The following RAP1A variants were observed in gnomAD, a reference collection of about 807,000 sequenced individuals.
RAP1A encodes the protein RAP1A, member of RAS oncogene family, also known as ras-related protein Rap-1A.
In RAP1A, 6 loss-of-function variants were observed where a neutral mutation model predicts 26.4. The observed-to-expected ratio is 0.23, with a 90% CI of 0.12 to 0.45. RAP1A has a LOEUF of 0.45. Ranked by LOEUF, RAP1A falls within the 20% of genes least tolerant of loss-of-function variation. The pLI is 0.99. For missense variants in RAP1A, 121 were observed against 217.2 expected, an observed-to-expected ratio of 0.56 and a Z score of 2.78; for synonymous variants, 73 against 79.4, an observed-to-expected ratio of 0.92 and a Z score of 0.43.
At chr1:111,631,413 CAT>C (rs1454882206) in intron 1 of RAP1A, among the ~76,000 whole-genome samples, 1 of 152,106 alleles carries the variant, frequency 6.6e-6, no homozygotes, top group Non-Finnish European at 1.5e-5. Context: ...GAAGGGAACT[CAT>C]ATGTTTTTGA....
intron 1 of RAP1A, among the ~76,000 whole-genome samples, chr1:111,657,226 T>C (rs1230943418): frequency 1.3e-5 from 2 of 152,196 alleles, no homozygotes; most frequent in African/African-American, 2.4e-5. Context: ...AAGTGGAACA[T>C]TTTATATCTT....
chr1:111,614,443 G>A (rs1401655681), intron 1 of RAP1A, among the ~76,000 whole-genome samples: 1 of 152,104 alleles, frequency 6.6e-6, no homozygotes, highest in Non-Finnish European at 1.5e-5. Flanking sequence ...TTATTGATAT[G>A]TATCACAATC....
intron 1 of RAP1A, among the ~76,000 whole-genome samples, chr1:111,638,375 A>T (rs1659786610): frequency 6.6e-6 from 1 of 152,130 alleles, no homozygotes. Context: ...ATTCTGGGTC[A>T]TTTATGAATT....
intron 1 of RAP1A, among the ~76,000 whole-genome samples, chr1:111,572,753 C>T (rs1232315587): frequency 6.6e-6 from 1 of 152,048 alleles, no homozygotes; most frequent in African/African-American, 2.4e-5. Context: ...CTTTTTTTAA[C>T]TTTTATTTTA....
chr1:111,656,582 T>A (rs1338594508), intron 1 of RAP1A, among the ~76,000 whole-genome samples: 1 of 152,174 alleles, frequency 6.6e-6, no homozygotes, highest in Non-Finnish European at 1.5e-5. Flanking sequence ...AATTGGTTTA[T>A]CCAGTCTCCA....
intron 1 of RAP1A, among the ~76,000 whole-genome samples, chr1:111,565,037 G>A (rs1041394409): frequency 6.6e-6 from 1 of 152,174 alleles, no homozygotes; most frequent in Non-Finnish European, 1.5e-5. Context: ...GGTCAGGGAA[G>A]GCAGATTTAA....
intron 1 of RAP1A, among the ~76,000 whole-genome samples, chr1:111,621,392 A>G (rs1261049985): frequency 4.6e-5 from 7 of 152,192 alleles, no homozygotes; most frequent in Admixed American, 2.0e-4. Context: ...ATGCTTTCCT[A>G]TAACATTGTT....
intron 1 of RAP1A, among the ~76,000 whole-genome samples, chr1:111,665,445 A>G (rs1660773075): frequency 6.6e-6 from 1 of 152,218 alleles, no homozygotes; most frequent in South Asian, 2.1e-4. Flanking sequence ...ACACCTGACC[A>G]AATGTATCTT....
At chr1:111,684,497 A>G (rs575712626) in intron 1 of RAP1A, among the ~76,000 whole-genome samples, 16 of 151,366 alleles carry the variant, frequency 1.1e-4, no homozygotes, top group African/African-American at 2.7e-4. Context: ...CTATACACTA[A>G]TAACAGCCAA....
At chr1:111,608,739 A>G (rs1188648706) in intron 1 of RAP1A, 4 of 158,228 alleles carry the variant, frequency 2.5e-5, no homozygotes, top group South Asian at 1.7e-4. Context: ...TCTCCACCAA[A>G]AAAATACGAA....
chr1:111,688,979 C>T (rs1041727366), intron 1 of RAP1A, among the ~76,000 whole-genome samples: 3 of 151,876 alleles, frequency 2.0e-5, no homozygotes, highest in Non-Finnish European at 4.4e-5. Flanking sequence ...GGACCATAGG[C>T]ACATGCCACC....
At chr1:111,679,531 C>T (rs1053295262) in intron 1 of RAP1A, among the ~76,000 whole-genome samples, 1 of 142,874 alleles carries the variant, frequency 7.0e-6, no homozygotes, top group Non-Finnish European at 1.6e-5. Flanking sequence ...TTTTTTGTAC[C>T]CAGTGGCACC....
chr1:111,672,950 C>G (rs1250528538), intron 1 of RAP1A, among the ~76,000 whole-genome samples: 1 of 152,100 alleles, frequency 6.6e-6, no homozygotes, highest in African/African-American at 2.4e-5. Flanking sequence ...TGTTATTCTG[C>G]TGTTACTTTG....
At chr1:111,615,255 G>A (rs1363451756), upstream of RAP1A, among the ~76,000 whole-genome samples, 1 of 151,920 alleles carries the variant, frequency 6.6e-6, no homozygotes, top group Admixed American at 6.6e-5. Context: ...TTAAAATAGG[G>A]TGGAGTCATG....
chr1:111,708,635 C>T (rs1662274786), intron 6 of RAP1A, among the ~76,000 whole-genome samples: 1 of 152,160 alleles, frequency 6.6e-6, no homozygotes, highest in African/African-American at 2.4e-5. Context: ...ATGTGTCAAT[C>T]CTTAAATGTC....
chr1:111,609,295 C>T (rs1414122477), intron 1 of RAP1A, among the ~76,000 whole-genome samples: 1 of 152,134 alleles, frequency 6.6e-6, no homozygotes, highest in Admixed American at 6.5e-5. Context: ...GTTCAAAGCC[C>T]AAGTGAGACC....
At chr1:111,553,608 C>A (rs1487841104) in intron 1 of RAP1A, among the ~76,000 whole-genome samples, 3 of 152,214 alleles carry the variant, frequency 2.0e-5, no homozygotes, top group Non-Finnish European at 4.4e-5. Context: ...ATTTCTTTAT[C>A]TGGCTTTCAG....
At chr1:111,666,274 A>G (rs1454037478) in intron 1 of RAP1A, among the ~76,000 whole-genome samples, 1 of 152,236 alleles carries the variant, frequency 6.6e-6, no homozygotes, top group Non-Finnish European at 1.5e-5. Context: ...AAAAAAATTC[A>G]GAATGATGAC....
intron 1 of RAP1A, among the ~76,000 whole-genome samples, chr1:111,609,951 G>C (rs1426002335): frequency 1.3e-5 from 2 of 152,132 alleles, no homozygotes; most frequent in Non-Finnish European, 2.9e-5. Flanking sequence ...TGGCCTGATT[G>C]ACTTTCAAAA....
Sources: gnomAD v4.1 joint callset for allele counts (sites outside exome capture counted in the v4.1 genomes callset) on GRCh38, gnomAD v4.1.1 for gene constraint, MANE v1.5 for transcripts, NCBI Gene and HGNC (gene_info 2026-07-23, HGNC 2026-07-21) for gene names.